LIPF: variants seen among roughly 807,000 people sequenced by gnomAD.
The protein encoded by LIPF is gastric triacylglycerol lipase.
LIPF carries 25 observed loss-of-function variants against 38.0 expected under a neutral mutation model. The observed-to-expected ratio is 0.66, with a 90% CI of 0.48 to 0.92. The LOEUF (loss-of-function observed/expected upper bound fraction) is 0.92, where lower values mean the gene tolerates loss of function less well. LIPF is among the 40% of genes least tolerant of loss of function. LIPF has a pLI of 0.00. For synonymous variants in LIPF, 161 were observed against 156.2 expected (o/e 1.03, Z -0.23); for missense variants, 410 against 469.9 (o/e 0.87, Z 1.18).
Position 88,667,395 on chromosome 10 carries a change from T to G in LIPF, c.98T>G (p.Met33Arg), listed in dbSNP as rs753696667. 8 of 1,574,138 alleles carry G rather than the reference T, an allele frequency of 5.1e-6. No individual in the cohort carries two copies. Among genetic ancestry groups the G allele is most frequent in the Non-Finnish European group, 7.0e-6 (8 of 1,144,172 alleles). ...KLHPGSPEVT[M>R]NISQMITYWG... Reference sequence around the variant, plus strand: ...CATCCTGGAAGCCCTGAAGTGACTATGAACATTGTAAGTTACTCTGGGGAA... The same window carrying G: ...CATCCTGGAAGCCCTGAAGTGACTAGGAACATTGTAAGTTACTCTGGGGAA... Residue 33 changes from methionine (M) to arginine (R), a missense_variant, in exon 2 of 10, where the codon ATG becomes AGG. Met to Arg is a moderately conservative substitution (Grantham distance 91). Transcript: ENST00000238983.
At chr10:88,673,851 G>A (rs1223459728) in intron 7 of LIPF, 117 bp downstream of exon 7, 7 of 751,828 alleles carry the variant, frequency 9.3e-6, no homozygotes, top group Non-Finnish European at 1.5e-5. Flanking sequence ...GCGATATCCT[G>A]ATAAACATGA....
At chr10:88,669,798 G>A (rs1247481504) in intron 4 of LIPF, 39 bp from the exon 5 acceptor site, 1 of 1,361,262 alleles carries the variant, frequency 7.3e-7, no homozygotes, top group East Asian at 2.3e-5. Context: ...ACAATAGCAA[G>A]GAAATGTATT....
intron 7 of LIPF, among the ~76,000 whole-genome samples, chr10:88,675,266 G>C (rs1429954010): frequency 6.6e-6 from 1 of 152,190 alleles, no homozygotes; most frequent in African/African-American, 2.4e-5. Flanking sequence ...TTTAGACTCA[G>C]AGACCCAAAT....
At chr10:88,666,572 T>G (rs1358112759) in intron 1 of LIPF, among the ~76,000 whole-genome samples, 1 of 152,098 alleles carries the variant, frequency 6.6e-6, no homozygotes, top group Non-Finnish European at 1.5e-5. Flanking sequence ...ATATTGTCTA[T>G]AAGGCTAGGT....
intron 1 of LIPF, among the ~76,000 whole-genome samples, chr10:88,665,227 G>C (rs1841493235): frequency 6.6e-6 from 1 of 152,186 alleles, no homozygotes; most frequent in Non-Finnish European, 1.5e-5. Flanking sequence ...GAGTTGCTAT[G>C]AGAATTAAAT....
intron 7 of LIPF, 152 bp downstream of exon 7, chr10:88,673,886 A>G: frequency 1.5e-6 from 1 of 676,852 alleles, no homozygotes; most frequent in Non-Finnish European, 2.5e-6. Flanking sequence ...CATTGCTCCC[A>G]ATTTAATCAC....
chr10:88,678,481 G>C lies in LIPF; in HGVS notation c.997G>C (p.Val333Leu). Residue 333 changes from valine (V) to leucine (L), a missense_variant, in exon 10 of 10, where the codon GTA (valine) becomes CTA (leucine). By Grantham distance (32) the Val-to-Leu change is conservative (BLOSUM62 1). Coordinates refer to ENST00000238983, the MANE Select transcript of LIPF (RefSeq NM_004190.4). ...CTACTACAATGTGACAGCCATGAAT[G>C]TACCAATTGCAGTGTGGAACGGTGG... is the stretch of plus-strand genomic sequence containing the variant. ...PPYYNVTAMN[V>L]PIAVWNGGKD... The C allele has an allele frequency of 1.2e-6, 2 of 1,613,980 alleles. No individual in the cohort carries two copies.
At chr10:88,669,610 T>G (rs1038025136) in intron 4 of LIPF, 9 of 390,310 alleles carry the variant, frequency 2.3e-5, no homozygotes, top group Non-Finnish European at 4.2e-5. Context: ...AGATACTATC[T>G]TGTTTGGATT....
In LIPF at chr10:88,678,481, G is replaced by A. The variant is rs1295679735; in HGVS notation, c.997G>A (p.Val333Ile). Residue 333 changes from valine (V) to isoleucine (I), a missense_variant, in exon 10 of 10, where the codon GTA becomes ATA. Physicochemically the swap from Val to Ile is conservative, Grantham distance 29. Coordinates refer to ENST00000238983, the MANE Select transcript of LIPF (RefSeq NM_004190.4). ...PPYYNVTAMN[V>I]PIAVWNGGKD... ...CTACTACAATGTGACAGCCATGAATGTACCAATTGCAGTGTGGAACGGTGG... is the reference window on the plus strand; with the variant it reads ...CTACTACAATGTGACAGCCATGAATATACCAATTGCAGTGTGGAACGGTGG... 9 of 1,613,980 alleles carry A rather than the reference G, an allele frequency of 5.6e-6. No individual in the cohort carries two copies. The highest frequency in any genetic ancestry group is 7.6e-6 in the Non-Finnish European group (9 of 1,179,882).
In LIPF at chr10:88,671,954, T is replaced by C; in HGVS notation, c.658T>C (p.Ser220Pro). Residue 220 changes from serine to proline, a missense_variant, in exon 6 of 10, where the codon TCC (serine) becomes CCC (proline). Ser to Pro is a moderately conservative substitution (Grantham distance 74). Transcript: ENST00000238983. ...LINKLRFVPQ[S>P]LFKFIFGDKI... ...AAACAAACTTAGATTTGTTCCTCAA[T>C]CCCTCTTCAAGGTATGCAATTCTCT... 2 of 1,610,944 alleles carry C rather than the reference T, an allele frequency of 1.2e-6. No individual in the cohort carries two copies. Among genetic ancestry groups the C allele is most frequent in the Non-Finnish European group, 1.7e-6 (2 of 1,178,452 alleles).
At position 88,665,508 on chromosome 10, in the gene LIPF, A is replaced by T. The variant is rs913350938; in HGVS notation, c.-12+1017A>T. The T allele has an allele frequency of 2.6e-6, 4 of 1,530,964 alleles. No homozygotes were observed. In the African/African-American group the frequency reaches 4.1e-5, roughly 16 times the overall value. 94.8% of individuals were successfully genotyped at this position (1,530,964 alleles called of 1,614,324 possible). On this transcript the variant is annotated intron_variant, in intron 1 of 9. Transcript: ENST00000238983. ...TGGCAACAAGCATTTTGAGAAATTT[A>T]TTCTGCCCTTGAACATCTTTGAGCC...
rs753182838 is a variant in LIPF, at chr10:88,668,701, T to C, written c.367T>C (p.Trp123Arg). 1.7e-5 allele frequency: 28 copies of C among 1,614,020 alleles called. No homozygotes were observed. Among genetic ancestry groups the C allele is most frequent in the Non-Finnish European group, 8.5e-7 (1 of 1,179,992 alleles). ...VWLGNSRGNT[W>R]ARRNLYYSPD... ...GCTGGGCAACAGCAGAGGAAACACC[T>C]GGGCCAGAAGAAACTTGTACTATTC... Residue 123 changes from tryptophan to arginine, a missense_variant, in exon 4 of 10, where the codon TGG becomes CGG. Trp to Arg is a moderately radical substitution (Grantham distance 101). Coordinates refer to ENST00000238983, the MANE Select transcript of LIPF (RefSeq NM_004190.4).
At chr10:88,672,660 A>ACTCTCT (rs1255286986) in intron 6 of LIPF, among the ~76,000 whole-genome samples, 4 of 125,608 alleles carry the variant, frequency 3.2e-5, no homozygotes, top group African/African-American at 6.4e-5. Context: ...ACACACACAC[A>ACTCTCT]CACACACACA....
intron 5 of LIPF, among the ~76,000 whole-genome samples, chr10:88,670,890 C>A (rs1841586206): frequency 6.6e-6 from 1 of 152,052 alleles, no homozygotes; most frequent in South Asian, 2.1e-4. Context: ...CTTATAGTAC[C>A]CATGCAGGAG....
chr10:88,678,246 C>T (rs1018649647), intron 9 of LIPF, among the ~76,000 whole-genome samples, 199 bp from the exon 10 acceptor site: 1 of 152,186 alleles, frequency 6.6e-6, no homozygotes, highest in East Asian at 1.9e-4. Flanking sequence ...TTCACAGGCC[C>T]ATTAGAATTT....
At chr10:88,668,424 A>G (rs1446495719) in intron 3 of LIPF, 134 bp from the exon 4 acceptor site, 2 of 769,206 alleles carry the variant, frequency 2.6e-6, no homozygotes, top group East Asian at 2.7e-5. Flanking sequence ...CAATTACGAT[A>G]AGATATTCAA....
intron 4 of LIPF, chr10:88,669,139 G>A (rs570854902): frequency 3.0e-4 from 53 of 177,516 alleles, no homozygotes; most frequent in Admixed American, 2.2e-3. Context: ...GGAGGGGTGG[G>A]GAGAGTGAAA....
rs1342751097 is a variant in LIPF, at chr10:88,667,349, C to A, written c.52C>A (p.His18Asn). The A allele has an allele frequency of 9.3e-6, 15 of 1,613,526 alleles. No homozygotes were observed. The highest frequency in any genetic ancestry group is 2.2e-5 in the South Asian group (2 of 91,026). ...ASLISVLGTT[H>N]GLFGKLHPGS... ...TTTGATATCTGTACTGGGGACTACA[C>A]ATGGTTTGTTTGGAAAATTACATCC... Residue 18 changes from histidine (H) to asparagine (N), a missense_variant, in exon 2 of 10, where the codon CAT becomes AAT. Transcript: ENST00000238983.
At chr10:88,665,814 G>A (rs900448949) in intron 1 of LIPF, among the ~76,000 whole-genome samples, 4 of 132,728 alleles carry the variant, frequency 3.0e-5, no homozygotes, top group South Asian at 4.9e-4. Context: ...TGCGATCTCC[G>A]CTCACTGCAA....
Sources: allele counts gnomAD v4.1 joint callset (sites outside exome capture counted in the v4.1 genomes callset), GRCh38; gene constraint gnomAD v4.1.1; transcripts MANE v1.5; gene names NCBI Gene and HGNC (gene_info 2026-07-23, HGNC 2026-07-21).